Variants in RSPH14 observed in about 807,000 individuals in gnomAD.
RSPH14 encodes the protein radial spoke head 14 homolog.
Under a neutral mutation model 26.7 loss-of-function variants are expected in RSPH14, and 20 were observed. That is an observed-to-expected ratio of 0.75 (90% CI 0.53 to 1.09). The LOEUF (loss-of-function observed/expected upper bound fraction) is 1.09. Ranked by LOEUF, RSPH14 falls within the 50% of genes least tolerant of loss-of-function variation. RSPH14 has a pLI of 0.00. For synonymous variants in RSPH14, 177 were observed against 189.3 expected, an observed-to-expected ratio of 0.93 and a Z score of 0.53; for missense variants, 449 against 457.2, an observed-to-expected ratio of 0.98 and a Z score of 0.16.
chr22:23,155,896 A>G, the RSPH14 span: 1 of 1,408,460 alleles, frequency 7.1e-7, no homozygotes, highest in Non-Finnish European at 9.6e-7. Flanking sequence ...ATGGTCCCGT[A>G]GCCTGTTGGC....
At chr22:23,061,723 G>A (rs745703495) in intron 6 of RSPH14, 86 bp downstream of exon 6, 11 of 1,498,934 alleles carry the variant, frequency 7.3e-6, no homozygotes, top group South Asian at 3.4e-5. Flanking sequence ...TTTGGGGGAC[G>A]ATACCCAGCC....
chr22:23,064,375 C>G (rs561909016), intron 4 of RSPH14, among the ~76,000 whole-genome samples: 35 of 152,298 alleles, frequency 2.3e-4, no homozygotes, highest in African/African-American at 7.9e-4. Context: ...CAGGAAGGAC[C>G]AGTCTTTTGT....
the RSPH14 span, among the ~76,000 whole-genome samples, chr22:23,171,324 G>C: frequency 6.6e-6 from 1 of 152,144 alleles, no homozygotes; most frequent in Middle Eastern, 3.4e-3. Flanking sequence ...TCATCATGTT[G>C]ATGACCCAGG....
the RSPH14 span, chr22:23,158,934 A>G: frequency 2.5e-6 from 4 of 1,614,064 alleles, no homozygotes; most frequent in South Asian, 4.4e-5. Flanking sequence ...AGAACGAGGC[A>G]GGCTCCTGCT....
intron 4 of RSPH14, among the ~76,000 whole-genome samples, chr22:23,072,073 G>A (rs2068393761): frequency 6.6e-6 from 1 of 152,110 alleles, no homozygotes; most frequent in Non-Finnish European, 1.5e-5. Context: ...GCCTGGAGAA[G>A]AGCTAGCTTT....
At chr22:23,104,951 C>G (rs981539992) in intron 4 of RSPH14, among the ~76,000 whole-genome samples, 3 of 152,250 alleles carry the variant, frequency 2.0e-5, no homozygotes, top group African/African-American at 7.2e-5. Context: ...GGTGTTTCTT[C>G]TCTCTGCATG....
At chr22:23,061,568 G>T (rs145557639) in intron 6 of RSPH14, among the ~76,000 whole-genome samples, 2 of 152,146 alleles carry the variant, frequency 1.3e-5, no homozygotes, top group Non-Finnish European at 2.9e-5. Context: ...AGACTGGTGC[G>T]AAGGCACAGA....
Position 23,062,058 on chromosome 22 carries a change from G to A in RSPH14, c.654-113C>T, listed in dbSNP as rs2068108904. On this transcript the variant is annotated intron_variant, in intron 5 of 6. Coordinates refer to ENST00000216036, the MANE Select transcript of RSPH14 (RefSeq NM_014433.3). ...AATAATTGTGTGGGGGCTACCCCAG[G>A]TAGTCCCAGGACTGGTCCCCATGAT... 40 of 1,252,662 alleles carry A rather than the reference G, an allele frequency of 3.2e-5. 1 individual carries two copies. The South Asian group carries it at 5.2e-4, about 16-fold the overall frequency. The allele number at this position is 1,252,662 out of a possible 1,614,324, so 77.6% of individuals were successfully genotyped here.
the RSPH14 span, among the ~76,000 whole-genome samples, chr22:23,178,415 CA>C: frequency 3.0e-3 from 385 of 128,896 alleles, 1 homozygote; most frequent in South Asian, 4.6e-3. Context: ...GACTCCGTCT[CA>C]AAAAAAAAAA....
chr22:23,126,080 A>T (rs2070176009), intron 4 of RSPH14, among the ~76,000 whole-genome samples: 1 of 152,246 alleles, frequency 6.6e-6, no homozygotes, highest in South Asian at 2.1e-4. Context: ...CTGAAGAAAT[A>T]ACGTGTGACT....
the RSPH14 span, among the ~76,000 whole-genome samples, chr22:23,174,309 T>TA: frequency 6.6e-6 from 1 of 150,382 alleles, no homozygotes; most frequent in Non-Finnish European, 1.5e-5. Flanking sequence ...GGAGCTGAGT[T>TA]AGGAGGATCA....
At chr22:23,158,945 T>G in the RSPH14 span, 1 of 1,614,160 alleles carries the variant, frequency 6.2e-7, no homozygotes, top group East Asian at 2.2e-5. Context: ...GGCTCCTGCT[T>G]CATCTTCCTC....
chr22:23,081,332 T>C (rs978139096), intron 4 of RSPH14, among the ~76,000 whole-genome samples: 11 of 152,196 alleles, frequency 7.2e-5, no homozygotes, highest in Admixed American at 2.6e-4. Context: ...AGAGTTTGTG[T>C]CTCTGAAAAT....
At chr22:23,109,810 G>C (rs1248238255) in intron 4 of RSPH14, among the ~76,000 whole-genome samples, 3 of 152,196 alleles carry the variant, frequency 2.0e-5, no homozygotes, top group Non-Finnish European at 4.4e-5. Flanking sequence ...GCAAGAGAAG[G>C]CTCAGAGCAT....
chr22:23,105,703 C>T (rs2146344882), intron 4 of RSPH14, among the ~76,000 whole-genome samples: 1 of 152,380 alleles, frequency 6.6e-6, no homozygotes, highest in African/African-American at 2.4e-5. Context: ...GTGTTGACAG[C>T]TTCCAATCTA....
chr22:23,129,280 T>C (rs1451001628), intron 4 of RSPH14, among the ~76,000 whole-genome samples: 1 of 152,164 alleles, frequency 6.6e-6, no homozygotes, highest in Non-Finnish European at 1.5e-5. Context: ...GTCCCCTGCA[T>C]ACCCGGTGTC....
the RSPH14 span, chr22:23,158,844 C>G: frequency 1.3e-6 from 2 of 1,535,936 alleles, no homozygotes; most frequent in Non-Finnish European, 1.8e-6. Flanking sequence ...CCTCTGCCCC[C>G]TGTTTGGGGT....
chr22:23,161,382 T>G, the RSPH14 span: 1 of 967,390 alleles, frequency 1.0e-6, no homozygotes, highest in Non-Finnish European at 1.6e-6. Flanking sequence ...ATTCAGGCCT[T>G]GAACAGCAGG....
chr22:23,070,236 T>C (rs926238299), intron 4 of RSPH14: 9 of 149,566 alleles, frequency 6.0e-5, no homozygotes, highest in African/African-American at 1.5e-4. Flanking sequence ...GCCCGGCGCG[T>C]GGTGCCCGGC....
Sources: gnomAD v4.1 joint callset for allele counts (sites outside exome capture counted in the v4.1 genomes callset) on GRCh38, gnomAD v4.1.1 for gene constraint, MANE v1.5 for transcripts, NCBI Gene and HGNC (gene_info 2026-07-23, HGNC 2026-07-21) for gene names.